The following KRT75 variants were observed in gnomAD, a reference collection of about 807,000 sequenced individuals.
KRT75 encodes the protein keratin, type II cytoskeletal 75.
A neutral mutation model predicts 48.8 loss-of-function variants in KRT75; 35 were observed. The ratio of observed to expected loss-of-function variants is 0.72; its 90% CI spans 0.55 to 0.95. The LOEUF (loss-of-function observed/expected upper bound fraction) is 0.95. KRT75 is among the 40% of genes least tolerant of loss of function. KRT75 has a pLI of 0.00. For synonymous variants in KRT75, 301 were observed against 282.3 expected, an observed-to-expected ratio of 1.07 and a Z score of -0.66; for missense variants, 776 against 709.9, an observed-to-expected ratio of 1.09 and a Z score of -1.06.
Position 52,434,264 on chromosome 12 carries a change from C to A in KRT75, c.41G>T (p.Arg14Leu), listed in dbSNP as rs146288298. The change falls in exon 1 of 9, where the codon CGC (arginine) becomes CTC (leucine). Residue 14 changes from arginine (R) to leucine (L), a missense_variant. Arg to Leu is a moderately radical substitution (Grantham distance 102). Transcript: ENST00000252245. Reference sequence around the variant, plus strand: ...GGCCGAGGTGGTGCTGAAGCCCCTGCGGCTGCCAGACTGGAAGGTGATGGA... The same window carrying A: ...GGCCGAGGTGGTGCTGAAGCCCCTGAGGCTGCCAGACTGGAAGGTGATGGA... ...QSSITFQSGS[R>L]RGFSTTSAIT... 3 of 1,586,058 alleles carry A rather than the reference C, an allele frequency of 1.9e-6. No homozygotes were observed. The highest frequency in any genetic ancestry group is 1.1e-5 in the South Asian group (1 of 87,098).
At chr12:52,428,178 C>T (rs1940096336) in intron 7 of KRT75, 78 bp downstream of exon 7, 1 of 1,561,440 alleles carries the variant, frequency 6.4e-7, no homozygotes, top group Non-Finnish European at 8.8e-7. Flanking sequence ...GCTGCAACAG[C>T]CCGAGCCCCT....
chr12:52,429,140 C>T (rs1940111649), intron 5 of KRT75, among the ~76,000 whole-genome samples: 1 of 152,094 alleles, frequency 6.6e-6, no homozygotes. Context: ...AGGAAACAGC[C>T]TGCATGAAGA....
chr12:52,430,790 A>C, intron 4 of KRT75, 85 bp from the exon 5 acceptor site: 1 of 1,455,280 alleles, frequency 6.9e-7, no homozygotes. Context: ...TAGGTCAGGA[A>C]TCCTTTCCTT....
At position 52,434,273 on chromosome 12, in the gene KRT75, G is replaced by A; in HGVS notation, c.32C>T (p.Ser11Phe). The change falls in exon 1 of 9, where the codon TCT becomes TTT. Residue 11 changes from serine (S) to phenylalanine (F), a missense_variant. Coordinates refer to ENST00000252245, the MANE Select transcript of KRT75 (RefSeq NM_004693.3). ...GGTGCTGAAGCCCCTGCGGCTGCCAGACTGGAAGGTGATGGAGGACTGCCG... is the reference window on the plus strand; with the variant it reads ...GGTGCTGAAGCCCCTGCGGCTGCCAAACTGGAAGGTGATGGAGGACTGCCG... MSRQSSITFQ[S>F]GSRRGFSTTS... 1 of 1,587,572 alleles carries A rather than the reference G, an allele frequency of 6.3e-7. No individual in the cohort carries two copies. Among genetic ancestry groups the A allele is most frequent in the South Asian group, 1.1e-5 (1 of 87,798 alleles).
rs141974009 is a variant in KRT75, at chr12:52,430,612, C to T, written c.964G>A (p.Glu322Lys). The T allele has an allele frequency of 3.0e-4, 484 of 1,614,140 alleles. 1 individual carries two copies. The African/African-American group carries it at 5.1e-3, about 17-fold the overall frequency. The change falls in exon 5 of 9, where the codon GAG becomes AAG. Residue 322 changes from glutamate (E) to lysine (K), a missense_variant. Coordinates refer to ENST00000252245, the MANE Select transcript of KRT75 (RefSeq NM_004693.3). Reference protein sequence around the residue: ...RNLDLDSIIAEVKAQYEDIAN... With the variant: ...RNLDLDSIIAKVKAQYEDIAN... ...ATGTCCTCGTATTGTGCTTTGACCT[C>T]GGCGATGATACTATCCAGGTCCAGG...
intron 8 of KRT75, among the ~76,000 whole-genome samples, chr12:52,426,350 T>G (rs1210174184): frequency 6.6e-6 from 1 of 152,248 alleles, no homozygotes; most frequent in Non-Finnish European, 1.5e-5. Flanking sequence ...GCAGTGGAGC[T>G]TCTTCTCAAA....
chr12:52,432,107 G>T (rs781086751), intron 2 of KRT75, 41 bp from the exon 3 acceptor site: 1 of 1,599,730 alleles, frequency 6.3e-7, no homozygotes. Context: ...GAGCAAGTCT[G>T]CATTGAACTC....
Position 52,424,582 on chromosome 12 carries a change from C to T in KRT75, c.1591G>A (p.Gly531Ser), listed in dbSNP as rs1940053192. 1.2e-6 allele frequency: 2 copies of T among 1,614,164 alleles called. No homozygotes were observed. Among genetic ancestry groups the T allele is most frequent in the Non-Finnish European group, 1.7e-6 (2 of 1,180,026 alleles). Reference sequence around the variant, plus strand: ...ACAAACTTGACGCTAGAACCACTGCCCCCTAAGCCCCGGTTGCTGGTGGCA... The same window carrying T: ...ACAAACTTGACGCTAGAACCACTGCTCCCTAAGCCCCGGTTGCTGGTGGCA... ...FSATSNRGLG[G>S]SGSSVKFVST... Residue 531 changes from glycine (G) to serine (S), a missense_variant, in exon 9 of 9, where the codon GGC becomes AGC. Physicochemically the swap from Gly to Ser is moderately conservative, Grantham distance 56 (BLOSUM62 0). Coordinates refer to ENST00000252245, the MANE Select transcript of KRT75 (RefSeq NM_004693.3).
At position 52,432,387 on chromosome 12, in the gene KRT75, G is replaced by A. The variant is rs184904154; in HGVS notation, c.714-321C>T. ...TGTTTTTCCACCTCAAGTGTCTACC[G>A]AAATCGTGGAGTAAACTTTATCTGT... On this transcript the variant is annotated intron_variant, in intron 2 of 8. Transcript: ENST00000252245. 4.0e-3 allele frequency among the ~76,000 whole-genome samples: 611 copies of A among 152,268 alleles called. 4 individuals are homozygous for A. The highest frequency in any genetic ancestry group is 6.8e-3 in the Non-Finnish European group (465 of 68,024).
rs201563619 is a variant in KRT75, at chr12:52,424,684, C to T, written c.1489G>A (p.Gly497Ser). The T allele has an allele frequency of 5.2e-5, 84 of 1,614,168 alleles. No homozygotes were observed. Among genetic ancestry groups the T allele is most frequent in the South Asian group, 1.6e-4 (15 of 91,078 alleles). Residue 497 changes from glycine to serine, a missense_variant, in exon 9 of 9, where the codon GGT (glycine) becomes AGT (serine). By Grantham distance (56) the Gly-to-Ser change is moderately conservative (BLOSUM62 0). Coordinates refer to ENST00000252245, the MANE Select transcript of KRT75 (RefSeq NM_004693.3). ...SSIGGGNLGL[G>S]GGSGYSFTTS... ...GTGAAGGAGTAGCCGCTGCCCCCAC[C>T]GAGGCCCAGGTTTCCACCTCCAATG... is the stretch of plus-strand genomic sequence containing the variant.
rs774137337 is a variant in KRT75 at position 52,433,248 on chromosome 12, C to G, written c.503G>C (p.Arg168Thr). 2 of 1,613,654 alleles carry G rather than the reference C, an allele frequency of 1.2e-6. No individual in the cohort carries two copies. Among genetic ancestry groups the G allele is most frequent in the South Asian group, 2.2e-5 (2 of 91,068 alleles). The change falls in exon 2 of 9, where the codon AGG becomes ACG. Residue 168 changes from arginine (R) to threonine (T), a missense_variant. Coordinates refer to ENST00000252245, the MANE Select transcript of KRT75 (RefSeq NM_004693.3). ...GACCTTGTTCTGCTGCTCCAAGAAC[C>G]TCACCTGGAGGGAAGAAGAGAGAAT... ...NKFASFIDKV[R>T]FLEQQNKVLE...
intron 1 of KRT75, 123 bp downstream of exon 1, chr12:52,433,684 C>G: frequency 6.2e-6 from 9 of 1,456,422 alleles, no homozygotes; most frequent in Non-Finnish European, 7.6e-6. Context: ...CCTGGGAGCC[C>G]GTGCTGAACA....
chr12:52,430,048 C>A (rs1170371385), intron 5 of KRT75, among the ~76,000 whole-genome samples: 1 of 152,176 alleles, frequency 6.6e-6, no homozygotes, highest in Non-Finnish European at 1.5e-5. Flanking sequence ...GGCTTCCCAA[C>A]TGTACAAAGC....
Position 52,428,719 on chromosome 12 carries a change from C to A in KRT75, c.1060G>T (p.Gly354Cys). The change falls in exon 6 of 9, where the codon GGC becomes TGC. Residue 354 changes from glycine to cysteine, a missense_variant. Physicochemically the swap from Gly to Cys is radical, Grantham distance 159. Coordinates refer to ENST00000252245, the MANE Select transcript of KRT75 (RefSeq NM_004693.3). ...TTTCGAAGGTCATCCCCATGTCTGC[C>A]TGCGGTGACCTGCAGCTCCTCGTAC... ...TKYEELQVTA[G>C]RHGDDLRNTK... is the part of the protein sequence containing the mutation. The A allele has an allele frequency of 6.2e-7, 1 of 1,614,160 alleles. No individual in the cohort carries two copies. Among genetic ancestry groups the A allele is most frequent in the Non-Finnish European group, 8.5e-7 (1 of 1,180,044 alleles).
In KRT75 at chr12:52,434,096, C is replaced by T. The variant is rs368893997; in HGVS notation, c.209G>A (p.Arg70Gln). Reference sequence around the variant, plus strand: ...GCTGCCACACCCATTGATGGAGACCCGCTTGGCACCCCCCAGGTTGTAGAG... The same window carrying T: ...GCTGCCACACCCATTGATGGAGACCTGCTTGGCACCCCCCAGGTTGTAGAG... ...RSLYNLGGAKRVSINGCGSSC... is the reference protein window; with the variant it reads ...RSLYNLGGAKQVSINGCGSSC... Residue 70 changes from arginine to glutamine, a missense_variant, in exon 1 of 9, where the codon CGG becomes CAG. Arg to Gln is a conservative substitution (Grantham distance 43). Transcript: ENST00000252245. 27 of 1,614,060 alleles carry T rather than the reference C, an allele frequency of 1.7e-5. 1 individual carries two copies. Among genetic ancestry groups the T allele is most frequent in the Middle Eastern group, 3.3e-4 (2 of 6,084 alleles).
At chr12:52,427,347 A>G (rs1940087063) in intron 7 of KRT75, among the ~76,000 whole-genome samples, 1 of 152,250 alleles carries the variant, frequency 6.6e-6, no homozygotes, top group African/African-American at 2.4e-5. Context: ...CATCTTCAGG[A>G]CAGAACTGGC....
Position 52,428,673 on chromosome 12 carries a change from T to A in KRT75, c.1106A>T (p.Glu369Val). The part of the protein sequence containing the change: ...DLRNTKQEIS[E>V]MNRMIQRLRA... ...CAGCCTCTGGATCATGCGGTTCATT[T>A]CAGAGATCTCTTGTTTGGTGTTTCG... The change falls in exon 6 of 9, where the codon GAA becomes GTA. Residue 369 changes from glutamate to valine, a missense_variant. Transcript: ENST00000252245. The A allele has an allele frequency of 1.2e-6, 2 of 1,614,218 alleles. No homozygotes were observed. Among genetic ancestry groups the A allele is most frequent in the Non-Finnish European group, 1.7e-6 (2 of 1,180,050 alleles).
rs1188750997 is a variant in KRT75 at position 52,424,311 on chromosome 12, A to G, written c.*206T>C. ...AGGAGAGAGCAGGCTTTGGTTTCAC[A>G]TGTGTAACAGACGGGTGCTGCTGGC... On this transcript the variant is annotated 3_prime_UTR_variant, in exon 9 of 9. Coordinates refer to ENST00000252245, the MANE Select transcript of KRT75 (RefSeq NM_004693.3). 8.7e-6 allele frequency: 6 copies of G among 686,698 alleles called. No homozygotes were observed. The highest frequency in any genetic ancestry group is 3.2e-5 in the South Asian group (2 of 61,616). The allele number at this position is 686,698 out of a possible 1,614,324, so 42.5% of individuals were successfully genotyped here. A position where few individuals can be genotyped will look rare whatever the true frequency, so the allele number is the denominator to read the frequency against.
At chr12:52,432,117 C>T (rs1592164260) in intron 2 of KRT75, 51 bp from the exon 3 acceptor site, 1 of 1,582,466 alleles carries the variant, frequency 6.3e-7, no homozygotes, top group South Asian at 1.1e-5. Flanking sequence ...GCATTGAACT[C>T]TTTCCAGGCT....
Sources: gnomAD v4.1 joint callset for allele counts (sites outside exome capture counted in the v4.1 genomes callset) on GRCh38, gnomAD v4.1.1 for gene constraint, MANE v1.5 for transcripts, NCBI Gene and HGNC (gene_info 2026-07-23, HGNC 2026-07-21) for gene names.